The following AGAP1 variants were observed in gnomAD, a reference collection of about 807,000 sequenced individuals.
The protein encoded by AGAP1 is ArfGAP with GTPase domain, ankyrin repeat and PH domain 1.
A neutral mutation model predicts 105.3 loss-of-function variants in AGAP1; 29 were observed. The observed-to-expected ratio is 0.28, with a 90% CI of 0.21 to 0.38. The LOEUF (loss-of-function observed/expected upper bound fraction) is 0.38, where lower values mean the gene tolerates loss of function less well. Among genes scored for constraint, AGAP1 ranks in the 10% least tolerant of loss-of-function variants. The probability of loss-of-function intolerance (pLI) is 1.00; values close to 1 mark genes in which losing one functional copy is unlikely to be tolerated. For missense variants in AGAP1, 998 were observed against 1,165.1 expected (o/e 0.86, Z 2.09); for synonymous variants, 509 against 485.9 (o/e 1.05, Z -0.63).
At chr2:235,694,498 A>AG (rs1949902542) in intron 1 of AGAP1, among the ~76,000 whole-genome samples, 2 of 146,540 alleles carry the variant, frequency 1.4e-5, no homozygotes, top group South Asian at 2.2e-4. Flanking sequence ...AAAAAAAAAA[A>AG]TTAGCTGGGC....
rs977614083 is a variant in AGAP1, at chr2:235,958,540, C to G, written c.1484-9922C>G. On this transcript the variant is annotated intron_variant, in intron 12 of 17. Transcript: ENST00000304032. This position sits in a 1 kb window ranked among gnomAD's most constrained non-coding sequence, Gnocchi z 4.1. ...CCTATCAGCACACCTGGCGAGGACC[C>G]TCACCAAGGCGAGCTCCCTGCAATG... 6.6e-6 allele frequency among the ~76,000 whole-genome samples: 1 copy of G among 152,190 alleles called. No homozygotes were observed. Among genetic ancestry groups the G allele is most frequent in the African/African-American group, 2.4e-5 (1 of 41,446 alleles).
At chr2:235,995,513 C>G (rs373761398) in intron 13 of AGAP1, among the ~76,000 whole-genome samples, 10 of 151,932 alleles carry the variant, frequency 6.6e-5, no homozygotes, top group East Asian at 3.9e-4. Flanking sequence ...GACTGTGACT[C>G]AAAAAAACAA....
chr2:236,069,112 G>A (rs1444575573), intron 16 of AGAP1, among the ~76,000 whole-genome samples: 2 of 150,784 alleles, frequency 1.3e-5, no homozygotes, highest in African/African-American at 4.9e-5. Context: ...GGGCAACAGC[G>A]TGAGACTCCA....
intron 1 of AGAP1, among the ~76,000 whole-genome samples, chr2:235,605,142 T>C (rs1209388798): frequency 6.6e-6 from 1 of 152,194 alleles, no homozygotes; most frequent in Non-Finnish European, 1.5e-5. Context: ...CCTCCGAAAG[T>C]GCTGGGACTA....
intron 6 of AGAP1, among the ~76,000 whole-genome samples, chr2:235,790,656 C>G (rs1022328326): frequency 4.6e-5 from 7 of 152,214 alleles, no homozygotes; most frequent in Non-Finnish European, 1.0e-4. Flanking sequence ...AAATGCATTT[C>G]TAGTTGCCTG....
chr2:235,728,925 A>G lies in AGAP1; in HGVS notation c.310+11281A>G, dbSNP rs57502979. Among the ~76,000 whole-genome samples the G allele has an allele frequency of 0.017, 2,641 of 151,490 alleles. 80 individuals carry two copies. Among genetic ancestry groups the G allele is most frequent in the African/African-American group, 0.058 (2,391 of 40,884 alleles). On this transcript the variant is annotated intron_variant, in intron 3 of 17. Transcript: ENST00000304032. This position sits in a 1 kb window ranked among gnomAD's most constrained non-coding sequence, Gnocchi z 4.3. Reference sequence around the variant, plus strand: ...CAGGGGTTGTGGAGGAATGGTCAAAACCCAGGCGTGATGTGACCACACCAT... The same window carrying G: ...CAGGGGTTGTGGAGGAATGGTCAAAGCCCAGGCGTGATGTGACCACACCAT...
chr2:235,734,394 CG>C lies in AGAP1; in HGVS notation c.311-6565del, dbSNP rs1364310351. Among the ~76,000 whole-genome samples, 1 of 152,198 alleles carries C rather than the reference CG, an allele frequency of 6.6e-6. No homozygotes were observed. The highest frequency in any genetic ancestry group is 1.9e-4 in the East Asian group (1 of 5,168). On this transcript the variant is annotated intron_variant, in intron 3 of 17. Transcript: ENST00000304032. The surrounding 1 kb of genome is among the most constrained non-coding windows in gnomAD (Gnocchi z 5.3). ...GCCAGCTTGCATCTGCTGAAAGAACCGGGGTGGCCCCACTGCATCTTGATCA... is the reference window on the plus strand; with the variant it reads ...GCCAGCTTGCATCTGCTGAAAGAACCGGGTGGCCCCACTGCATCTTGATCA...
rs935519032 is a variant in AGAP1, at chr2:235,843,321, C to T, written c.1050+35990C>T. Among the ~76,000 whole-genome samples the T allele has an allele frequency of 7.9e-5, 12 of 152,136 alleles. No homozygotes were observed. The highest frequency in any genetic ancestry group is 2.6e-4 in the Admixed American group (4 of 15,278). ...CCCTTTCTCACCCACACAATTCTTT[C>T]CTTCCCTCCCTCTGTCCCACGCTGT... On this transcript the variant is annotated intron_variant, in intron 9 of 17. Coordinates refer to ENST00000304032, the MANE Select transcript of AGAP1 (RefSeq NM_001037131.3). The surrounding 1 kb of genome is among the most constrained non-coding windows in gnomAD (Gnocchi z 5.9).
intron 9 of AGAP1, among the ~76,000 whole-genome samples, chr2:235,851,663 C>T (rs541176721): frequency 6.6e-6 from 1 of 152,142 alleles, no homozygotes; most frequent in South Asian, 2.1e-4. Flanking sequence ...CCCAGAACAC[C>T]CGGAAATACA....
In AGAP1 at chr2:236,106,728, C is replaced by T. The variant is rs993549437; in HGVS notation, c.2115-13464C>T. Reference sequence around the variant, plus strand: ...CTCATTTTCCCACCTGCGTAAGTCACGGTGCTGGTGGTAGCAGGATGGGGT... The same window carrying T: ...CTCATTTTCCCACCTGCGTAAGTCATGGTGCTGGTGGTAGCAGGATGGGGT... On this transcript the variant is annotated intron_variant, in intron 16 of 17. Transcript: ENST00000304032. 3.9e-5 allele frequency among the ~76,000 whole-genome samples: 6 copies of T among 152,308 alleles called. No individual in the cohort carries two copies. The East Asian group carries it at 9.7e-4, about 25-fold the overall frequency.
chr2:236,014,938 C>T lies in AGAP1; in HGVS notation c.1646-21623C>T. On this transcript the variant is annotated intron_variant, in intron 13 of 17. Coordinates refer to ENST00000304032, the MANE Select transcript of AGAP1 (RefSeq NM_001037131.3). This position sits in a 1 kb window ranked among gnomAD's most constrained non-coding sequence, Gnocchi z 6.3. ...CCACCTGCCTCTTCCCCTCTCATCC[C>T]CTGCCCGCCCCTTCCTTTCCAACAC... is the stretch of plus-strand genomic sequence containing the variant. The T allele has an allele frequency of 2.9e-6, 1 of 339,688 alleles. No homozygotes were observed. The highest frequency in any genetic ancestry group is 6.1e-6 in the Non-Finnish European group (1 of 164,310). 21.0% of individuals were successfully genotyped at this position (339,688 alleles called of 1,614,324 possible). A position where few individuals can be genotyped will look rare whatever the true frequency, so the allele number is the denominator to read the frequency against.
intron 6 of AGAP1, among the ~76,000 whole-genome samples, chr2:235,794,173 C>G (rs551927616): frequency 2.6e-5 from 4 of 152,278 alleles, no homozygotes; most frequent in African/African-American, 7.2e-5. Context: ...ACAATGTACA[C>G]ACACACACGC....
intron 16 of AGAP1, among the ~76,000 whole-genome samples, chr2:236,081,269 A>G (rs540530730): frequency 1.3e-5 from 2 of 152,264 alleles, no homozygotes; most frequent in South Asian, 4.2e-4. Context: ...GTCCTGCCAC[A>G]ACACTGACCA....
chr2:235,596,101 G>A lies in AGAP1; in HGVS notation c.163+101252G>A, dbSNP rs1463346373. ...CAGCTGTGCTCCTAACAGTGATGCC[G>A]TCTTTCCATGGAAATCACCCATAAG... On this transcript the variant is annotated intron_variant, in intron 1 of 17. Transcript: ENST00000304032. This position sits in a 1 kb window ranked among gnomAD's most constrained non-coding sequence, Gnocchi z 5.9. Among the ~76,000 whole-genome samples, 7 of 152,294 alleles carry A rather than the reference G, an allele frequency of 4.6e-5. No homozygotes were observed. In the East Asian group the frequency reaches 1.2e-3, roughly 25 times the overall value.
At position 235,574,603 on chromosome 2, in the gene AGAP1, G is replaced by T. The variant is rs1194961378; in HGVS notation, c.163+79754G>T. On this transcript the variant is annotated intron_variant, in intron 1 of 17. Transcript: ENST00000304032. The surrounding 1 kb of genome is among the most constrained non-coding windows in gnomAD (Gnocchi z 5.0). ...TTTACCAGGCTGTTCAAAAAGTCAA[G>T]CAGTGTTCTTTTAGGTCCTTTTTGG... Among the ~76,000 whole-genome samples, 1 of 152,160 alleles carries T rather than the reference G, an allele frequency of 6.6e-6. No individual in the cohort carries two copies. The highest frequency in any genetic ancestry group is 2.4e-5 in the African/African-American group (1 of 41,440).
intron 1 of AGAP1, among the ~76,000 whole-genome samples, chr2:235,538,995 G>A (rs1423129404): frequency 6.6e-6 from 1 of 152,128 alleles, no homozygotes; most frequent in Non-Finnish European, 1.5e-5. Context: ...TTTCTTAAAG[G>A]GAGAGTTTTA....
At position 235,730,748 on chromosome 2, in the gene AGAP1, T is replaced by G. The variant is rs927423185; in HGVS notation, c.311-10215T>G. ...TATGTTTAGTTGACCATGCAGGCTA[T>G]TTGAGAGACAGTGGGAGATGCTGAA... On this transcript the variant is annotated intron_variant, in intron 3 of 17. Coordinates refer to ENST00000304032, the MANE Select transcript of AGAP1 (RefSeq NM_001037131.3). Among the ~76,000 whole-genome samples, 2 of 152,310 alleles carry G rather than the reference T, an allele frequency of 1.3e-5. 1 individual carries two copies. The highest frequency in any genetic ancestry group is 6.8e-3 in the Middle Eastern group (2 of 294).
Position 235,740,539 on chromosome 2 carries a change from C to T in AGAP1, c.311-424C>T, listed in dbSNP as rs926024061. Among the ~76,000 whole-genome samples the T allele has an allele frequency of 6.6e-6, 1 of 152,202 alleles. No homozygotes were observed. Among genetic ancestry groups the T allele is most frequent in the South Asian group, 2.1e-4 (1 of 4,824 alleles). ...TTCTCTTGAGGAGAATACAGGTTCT[C>T]GGCCCTGTAATTTACCAAGAGGTTG... On this transcript the variant is annotated intron_variant, in intron 3 of 17. Transcript: ENST00000304032. This position sits in a 1 kb window ranked among gnomAD's most constrained non-coding sequence, Gnocchi z 5.7.
chr2:235,554,243 T>C (rs1943902698), intron 1 of AGAP1, among the ~76,000 whole-genome samples: 1 of 152,260 alleles, frequency 6.6e-6, no homozygotes. Flanking sequence ...CTTACGGTGC[T>C]CACGCTGAAG....
Sources: allele counts gnomAD v4.1 joint callset (sites outside exome capture counted in the v4.1 genomes callset), GRCh38; gene constraint gnomAD v4.1.1; non-coding constraint Gnocchi (gnomAD v3.1); transcripts MANE v1.5; gene names NCBI Gene and HGNC (gene_info 2026-07-23, HGNC 2026-07-21).